Variants in AUH observed in about 807,000 individuals in gnomAD.
AUH encodes methylglutaconyl-CoA hydratase, mitochondrial.
A neutral mutation model predicts 42.3 loss-of-function variants in AUH; 29 were observed. That is an observed-to-expected ratio of 0.69 (90% CI 0.51 to 0.93). The LOEUF (loss-of-function observed/expected upper bound fraction) is 0.93. Among genes scored for constraint, AUH ranks in the 40% least tolerant of loss-of-function variants. The probability of loss-of-function intolerance (pLI) is 0.00; values close to 1 mark genes in which losing one functional copy is unlikely to be tolerated. For missense variants in AUH, 452 were observed against 438.1 expected (o/e 1.03, Z -0.28); for synonymous variants, 174 against 166.4 (o/e 1.05, Z -0.35).
chr9:91,285,594 C>T (rs550484480), intron 6 of AUH, among the ~76,000 whole-genome samples: 62 of 152,132 alleles, frequency 4.1e-4, no homozygotes, highest in Non-Finnish European at 7.2e-4. Context: ...TGTTTGCTCA[C>T]GTTTCATCTC....
At chr9:91,249,855 CA>C (rs202171392) in intron 6 of AUH, among the ~76,000 whole-genome samples, 9,161 of 151,750 alleles carry the variant, frequency 0.06, 351 homozygotes, top group Non-Finnish European at 0.079. Flanking sequence ...ACTACAAATA[CA>C]AAAAAATTAG....
At chr9:91,306,483 A>T (rs1461936357) in intron 4 of AUH, 1 of 572,544 alleles carries the variant, frequency 1.7e-6, no homozygotes, top group African/African-American at 2.0e-5. Flanking sequence ...TTGGCAGGAA[A>T]AAACCTCACC....
chr9:91,219,838 C>T (rs1441109950), intron 7 of AUH, among the ~76,000 whole-genome samples: 1 of 152,170 alleles, frequency 6.6e-6, no homozygotes, highest in African/African-American at 2.4e-5. Flanking sequence ...CAAATGTGAG[C>T]ATTCATGCAT....
intron 6 of AUH, among the ~76,000 whole-genome samples, chr9:91,259,103 T>G (rs1829564893): frequency 6.6e-6 from 1 of 152,224 alleles, no homozygotes; most frequent in Non-Finnish European, 1.5e-5. Flanking sequence ...ATAATATTTC[T>G]TCCTTAAATG....
intron 4 of AUH, among the ~76,000 whole-genome samples, chr9:91,322,510 T>C (rs1378571929): frequency 2.0e-5 from 3 of 152,118 alleles, no homozygotes; most frequent in Non-Finnish European, 2.9e-5. Flanking sequence ...CCAAAGACAT[T>C]ATAGAAATCA....
At chr9:91,322,034 A>C (rs995760840) in intron 4 of AUH, among the ~76,000 whole-genome samples, 3 of 152,236 alleles carry the variant, frequency 2.0e-5, no homozygotes, top group African/African-American at 4.8e-5. Flanking sequence ...CTTAGTTTCC[A>C]TATGTCCTTC....
chr9:91,353,222 G>A (rs1832126472), intron 3 of AUH, among the ~76,000 whole-genome samples: 1 of 152,012 alleles, frequency 6.6e-6, no homozygotes. Flanking sequence ...GAGTAGCTGG[G>A]ATTACAGGCA....
chr9:91,311,761 G>A (rs1446805389), intron 4 of AUH, among the ~76,000 whole-genome samples: 2 of 152,108 alleles, frequency 1.3e-5, no homozygotes, highest in Non-Finnish European at 1.5e-5. Context: ...ACGAACTACT[G>A]GAAGGAAGGT....
In AUH at chr9:91,355,902, G is replaced by A. The variant is rs1207588601; in HGVS notation, c.399C>T (p.Val133=). Residue 133 remains valine, a synonymous_variant, in exon 3 of 10, where the codon GTC becomes GTT. Coordinates refer to ENST00000375731, the MANE Select transcript of AUH (RefSeq NM_001698.3). ...KVRTIIIRSE[V]PGIFCAGADL... Reference sequence around the variant, plus strand: ...ACATACCAGCACAGAATATCCCTGGGACTTCACTCCTGATTATTATGGTCC... The same window carrying A: ...ACATACCAGCACAGAATATCCCTGGAACTTCACTCCTGATTATTATGGTCC... 1.9e-6 allele frequency: 3 copies of A among 1,611,688 alleles called. No individual in the cohort carries two copies. Among genetic ancestry groups the A allele is most frequent in the South Asian group, 1.1e-5 (1 of 91,038 alleles).
chr9:91,258,295 G>A (rs112282248), intron 6 of AUH, among the ~76,000 whole-genome samples: 2,977 of 152,222 alleles, frequency 0.02, 50 homozygotes, highest in Non-Finnish European at 0.028. Flanking sequence ...GAGTGCAATC[G>A]TGTGATCTCG....
chr9:91,223,667 C>T (rs561126565), intron 6 of AUH, among the ~76,000 whole-genome samples: 10 of 152,294 alleles, frequency 6.6e-5, no homozygotes, highest in Non-Finnish European at 8.8e-5. Context: ...AGTCACCAAA[C>T]CATTTTACAT....
intron 3 of AUH, among the ~76,000 whole-genome samples, chr9:91,334,164 G>A (rs1451449545): frequency 6.6e-6 from 1 of 152,158 alleles, no homozygotes. Flanking sequence ...ATGCAAAGTG[G>A]CTGCACATCC....
intron 4 of AUH, among the ~76,000 whole-genome samples, chr9:91,302,344 C>T (rs10991876): frequency 0.071 from 10,865 of 151,966 alleles, 668 homozygotes; most frequent in East Asian, 0.26. Flanking sequence ...AATCCCAGCA[C>T]TTTGGGAGGC....
chr9:91,327,612 T>C (rs2131875999), intron 3 of AUH, among the ~76,000 whole-genome samples: 1 of 152,322 alleles, frequency 6.6e-6, no homozygotes, highest in East Asian at 1.9e-4. Context: ...ACGCACCTCA[T>C]TCCTCTTGGT....
intron 1 of AUH, chr9:91,360,432 T>G (rs1278386445): frequency 6.6e-6 from 1 of 152,264 alleles, no homozygotes; most frequent in Non-Finnish European, 1.5e-5. Flanking sequence ...ACCATGTTCT[T>G]GTCTCTGTCT....
At chr9:91,217,127 G>A (rs779333346) in intron 8 of AUH, 150 bp downstream of exon 8, 1 of 780,036 alleles carries the variant, frequency 1.3e-6, no homozygotes, top group Non-Finnish European at 2.1e-6. Context: ...TGACGTACTT[G>A]CAAGGAACTT....
At chr9:91,259,184 CA>C (rs1564037742) in intron 6 of AUH, among the ~76,000 whole-genome samples, 1 of 152,152 alleles carries the variant, frequency 6.6e-6, no homozygotes, top group African/African-American at 2.4e-5. Flanking sequence ...ATTACAAATT[CA>C]ATTTCTTAAA....
chr9:91,279,521 A>C (rs1160485661), intron 6 of AUH, among the ~76,000 whole-genome samples: 1 of 152,188 alleles, frequency 6.6e-6, no homozygotes, highest in African/African-American at 2.4e-5. Flanking sequence ...GGGCCTCAAG[A>C]AGCTTACAAT....
intron 6 of AUH, among the ~76,000 whole-genome samples, chr9:91,280,750 T>TGCAA (rs1230692965): frequency 6.6e-6 from 1 of 152,220 alleles, no homozygotes; most frequent in Non-Finnish European, 1.5e-5. Context: ...CTAGGCCCCT[T>TGCAA]GGTCTTACAC....
Sources: allele counts gnomAD v4.1 joint callset (sites outside exome capture counted in the v4.1 genomes callset), GRCh38; gene constraint gnomAD v4.1.1; transcripts MANE v1.5; gene names NCBI Gene and HGNC (gene_info 2026-07-23, HGNC 2026-07-21).